The following EXOC4 variants were observed in gnomAD, a reference collection of about 807,000 sequenced individuals.
The protein encoded by EXOC4 is SEC8-like 1.
In EXOC4, 71 loss-of-function variants were observed where a neutral mutation model predicts 107.2. The ratio of observed to expected loss-of-function variants is 0.66; its 90% CI spans 0.55 to 0.81. The LOEUF (loss-of-function observed/expected upper bound fraction) is 0.81. Among genes scored for constraint, EXOC4 ranks in the 30% least tolerant of loss-of-function variants. The pLI is 0.00. For synonymous variants in EXOC4, 456 were observed against 441.2 expected (o/e 1.03, Z -0.42); for missense variants, 1,108 against 1,189.6 (o/e 0.93, Z 1.01).
chr7:133,956,979 T>C (rs553349893), intron 14 of EXOC4, among the ~76,000 whole-genome samples: 15 of 152,266 alleles, frequency 9.9e-5, no homozygotes, highest in African/African-American at 3.4e-4. Flanking sequence ...GATAATACCA[T>C]TGATTTTTTT....
intron 10 of EXOC4, among the ~76,000 whole-genome samples, chr7:133,754,664 G>T (rs1057147948): frequency 3.3e-5 from 5 of 152,158 alleles, no homozygotes; most frequent in African/African-American, 1.2e-4. Flanking sequence ...ATGCTCTGAT[G>T]TACTATGAGC....
chr7:133,400,292 A>T (rs991339299), intron 7 of EXOC4, among the ~76,000 whole-genome samples: 20 of 152,224 alleles, frequency 1.3e-4, no homozygotes, highest in African/African-American at 4.3e-4. Context: ...ATCTAATGCA[A>T]TAAGAACCTG....
At chr7:133,820,355 T>C (rs898782496) in intron 11 of EXOC4, among the ~76,000 whole-genome samples, 14 of 152,040 alleles carry the variant, frequency 9.2e-5, no homozygotes. Flanking sequence ...TGCATTATAG[T>C]GATTGTAAAT....
At chr7:133,630,306 C>G (rs1802559082) in intron 10 of EXOC4, 165 bp downstream of exon 10, 1 of 555,710 alleles carries the variant, frequency 1.8e-6, no homozygotes, top group East Asian at 2.8e-5. Context: ...CAGATAATCT[C>G]AATCCCACTG....
chr7:134,068,297 G>T (rs1304119002), downstream of EXOC4, among the ~76,000 whole-genome samples: 1 of 152,162 alleles, frequency 6.6e-6, no homozygotes, highest in Non-Finnish European at 1.5e-5. Context: ...ACGTGTCAGG[G>T]GAGGGACCTG....
chr7:133,622,297 G>A (rs922909105), intron 9 of EXOC4, among the ~76,000 whole-genome samples: 6 of 152,224 alleles, frequency 3.9e-5, no homozygotes, highest in Admixed American at 3.9e-4. Flanking sequence ...TCTTTTGTAG[G>A]AGAAACAGAA....
intron 17 of EXOC4, among the ~76,000 whole-genome samples, chr7:134,014,326 C>T (rs958764806): frequency 6.6e-6 from 1 of 152,140 alleles, no homozygotes; most frequent in South Asian, 2.1e-4. Flanking sequence ...ATGCTTGAAC[C>T]TGGGAGGCAG....
intron 5 of EXOC4, among the ~76,000 whole-genome samples, chr7:133,327,075 G>A (rs1176763148): frequency 6.6e-6 from 1 of 152,244 alleles, no homozygotes; most frequent in East Asian, 1.9e-4. Context: ...TATTAGGGTG[G>A]GAGTGTCCTG....
intron 11 of EXOC4, among the ~76,000 whole-genome samples, chr7:133,824,251 C>T (rs1222487154): frequency 6.6e-6 from 1 of 151,904 alleles, no homozygotes; most frequent in Admixed American, 6.6e-5. Flanking sequence ...TCTGCGTTGA[C>T]TGCTTTGATG....
intron 17 of EXOC4, among the ~76,000 whole-genome samples, chr7:134,048,323 A>G (rs1795703264): frequency 6.6e-6 from 1 of 152,222 alleles, no homozygotes; most frequent in South Asian, 2.1e-4. Context: ...CTGCAAAGAC[A>G]GTCTAGTCCC....
At chr7:133,906,203 G>A (rs1050415810) in intron 12 of EXOC4, among the ~76,000 whole-genome samples, 3 of 152,174 alleles carry the variant, frequency 2.0e-5, no homozygotes, top group African/African-American at 4.8e-5. Context: ...GGCTTCTGAA[G>A]CCCTTCAGGT....
chr7:133,261,813 G>T (rs766748183), intron 1 of EXOC4, among the ~76,000 whole-genome samples: 8 of 152,008 alleles, frequency 5.3e-5, no homozygotes, highest in Non-Finnish European at 8.8e-5. Context: ...TTTCACTCTG[G>T]CCTGGGGGAT....
chr7:133,747,239 A>G (rs994194014), intron 10 of EXOC4, among the ~76,000 whole-genome samples: 19 of 152,190 alleles, frequency 1.2e-4, no homozygotes, highest in African/African-American at 3.6e-4. Context: ...CTGAAATACC[A>G]TGCTATTATT....
chr7:133,857,934 C>T (rs1459955077), intron 11 of EXOC4, among the ~76,000 whole-genome samples: 1 of 152,134 alleles, frequency 6.6e-6, no homozygotes, highest in African/African-American at 2.4e-5. Flanking sequence ...AGCTCCCAGG[C>T]TGCCCTGGCC....
intron 6 of EXOC4, among the ~76,000 whole-genome samples, chr7:133,360,661 G>T (rs1796116883): frequency 6.6e-6 from 1 of 152,296 alleles, no homozygotes; most frequent in Admixed American, 6.5e-5. Flanking sequence ...ACATGGGAAA[G>T]AAATATACTT....
At chr7:133,317,919 A>C (rs1045147449) in intron 5 of EXOC4, among the ~76,000 whole-genome samples, 8 of 151,776 alleles carry the variant, frequency 5.3e-5, no homozygotes, top group African/African-American at 9.7e-5. Flanking sequence ...TGACCTCCCA[A>C]AGTGTTGGCA....
chr7:133,289,117 G>C lies in EXOC4; in HGVS notation c.471+1G>C. On this transcript the variant is annotated splice_donor_variant, in intron 3 of 17. Transcript: ENST00000253861. LOFTEE classifies it high-confidence loss of function. ...CTATCTCAGTGCCACTGACATGTTG[G>C]TAAGAGAACAGCCTGTGCTAAGGGT... 6.2e-7 allele frequency: 1 copy of C among 1,613,568 alleles called. No homozygotes were observed. The highest frequency in any genetic ancestry group is 8.5e-7 in the Non-Finnish European group (1 of 1,179,624).
intron 7 of EXOC4, among the ~76,000 whole-genome samples, chr7:133,473,687 A>G (rs976909414): frequency 1.3e-5 from 2 of 149,608 alleles, no homozygotes; most frequent in Admixed American, 1.3e-4. Context: ...TCTTGAATGC[A>G]CCAATATTAC....
chr7:134,089,274 T>G, the EXOC4 span, among the ~76,000 whole-genome samples: 1 of 152,186 alleles, frequency 6.6e-6, no homozygotes, highest in African/African-American at 2.4e-5. Flanking sequence ...CTTTAACACT[T>G]TAGGCATAAA....
Sources: allele counts gnomAD v4.1 joint callset (sites outside exome capture counted in the v4.1 genomes callset), GRCh38; gene constraint gnomAD v4.1.1; transcripts MANE v1.5; gene names NCBI Gene and HGNC (gene_info 2026-07-23, HGNC 2026-07-21).